The following IL21R variants were observed in gnomAD, a reference collection of about 807,000 sequenced individuals.
IL21R encodes interleukin 21 receptor, also known as interleukin-21 receptor.
Under a neutral mutation model 41.3 loss-of-function variants are expected in IL21R, and 14 were observed. The ratio of observed to expected loss-of-function variants is 0.34; its 90% CI spans 0.22 to 0.53. The LOEUF (loss-of-function observed/expected upper bound fraction) is 0.53, where lower values mean the gene tolerates loss of function less well. Ranked by LOEUF, IL21R falls within the 20% of genes least tolerant of loss-of-function variation. The pLI, the probability that IL21R is intolerant of heterozygous loss-of-function variation, is 0.94. For missense variants in IL21R, 588 were observed against 681.6 expected, an observed-to-expected ratio of 0.86 and a Z score of 1.53; for synonymous variants, 286 against 287.6, an observed-to-expected ratio of 0.99 and a Z score of 0.05.
At chr16:27,445,092 C>T in intron 6 of IL21R, 85 bp from the exon 7 acceptor site, 1 of 926,770 alleles carries the variant, frequency 1.1e-6, no homozygotes. Flanking sequence ...TCCACTCTAC[C>T]CCAGACCCAT....
At chr16:27,427,977 A>G (rs2087106159) in intron 1 of IL21R, among the ~76,000 whole-genome samples, 1 of 152,236 alleles carries the variant, frequency 6.6e-6, no homozygotes, top group Non-Finnish European at 1.5e-5. Context: ...TCTATAGAAA[A>G]TATATTAAAA....
In IL21R at chr16:27,424,151, T is replaced by A. The variant is rs189903060; in HGVS notation, c.-16-5905T>A. ...GTGCAGTGGTGCAATCTCGGCTCAC[T>A]GCAACCTCCACCTCCCGGGTTCAAG... On this transcript the variant is annotated intron_variant, in intron 1 of 8. Transcript: ENST00000337929. 4.0e-3 allele frequency among the ~76,000 whole-genome samples: 605 copies of A among 152,280 alleles called. 1 individual carries two copies. The highest frequency in any genetic ancestry group is 6.5e-3 in the Non-Finnish European group (445 of 68,018).
At chr16:27,405,277 C>T (rs151300374) in intron 1 of IL21R, among the ~76,000 whole-genome samples, 9 of 152,152 alleles carry the variant, frequency 5.9e-5, no homozygotes, top group Non-Finnish European at 1.5e-5. Context: ...AAGTGATCTG[C>T]CTGTCTCAGT....
intron 1 of IL21R, chr16:27,403,184 G>T (rs750160521): frequency 7.5e-7 from 1 of 1,338,872 alleles, no homozygotes; most frequent in Non-Finnish European, 9.8e-7. Context: ...AGCTGTCGCT[G>T]CATCTTTCTC....
Position 27,448,669 on chromosome 16 carries a change from C to T in IL21R, c.1003C>T (p.Gln335Ter). The change falls in exon 9 of 9, where the codon CAA (glutamine) becomes TAA (stop). Residue 335 changes from glutamine (Q) to a stop codon, truncating the protein, a stop_gained. Coordinates refer to ENST00000337929, the MANE Select transcript of IL21R (RefSeq NM_181078.3). LOFTEE classifies it low-confidence loss of function (END_TRUNC). Reference sequence around the variant, plus strand: ...CAAGAGGCTGCAGCTCACGGAGCTACAAGAACCAGCAGAGCTGGTGGAGTC... The same window carrying T: ...CAAGAGGCTGCAGCTCACGGAGCTATAAGAACCAGCAGAGCTGGTGGAGTC... ...PAKRLQLTEL[Q>*]EPAELVESDG... The T allele has an allele frequency of 1.9e-6, 3 of 1,613,138 alleles. No homozygotes were observed. Among genetic ancestry groups the T allele is most frequent in the Non-Finnish European group, 2.5e-6 (3 of 1,180,006 alleles).
intron 1 of IL21R, among the ~76,000 whole-genome samples, chr16:27,408,561 A>G (rs1262617481): frequency 6.6e-6 from 1 of 152,226 alleles, no homozygotes; most frequent in Non-Finnish European, 1.5e-5. Flanking sequence ...GAGGAGGACC[A>G]GCAGGAGAGC....
At chr16:27,423,573 A>C (rs2087030358) in intron 1 of IL21R, among the ~76,000 whole-genome samples, 1 of 152,140 alleles carries the variant, frequency 6.6e-6, no homozygotes, top group Admixed American at 6.5e-5. Flanking sequence ...AACAATATAT[A>C]GGATGATTTT....
chr16:27,439,491 T>C (rs780131547), intron 4 of IL21R, among the ~76,000 whole-genome samples: 6 of 144,230 alleles, frequency 4.2e-5, no homozygotes, highest in Non-Finnish European at 6.1e-5. Context: ...GACTCACACA[T>C]GCACACACAT....
intron 4 of IL21R, among the ~76,000 whole-genome samples, chr16:27,439,368 A>T (rs2087335085): frequency 6.7e-6 from 1 of 150,274 alleles, no homozygotes; most frequent in Non-Finnish European, 1.5e-5. Flanking sequence ...ACATACACAC[A>T]CACACACACA....
At chr16:27,408,199 C>T (rs2086776838) in intron 1 of IL21R, among the ~76,000 whole-genome samples, 1 of 152,178 alleles carries the variant, frequency 6.6e-6, no homozygotes, top group Non-Finnish European at 1.5e-5. Flanking sequence ...GTGACTCATG[C>T]TCTTTGGAGA....
chr16:27,418,011 ATTTATTTTAT>A (rs1171442663), intron 1 of IL21R, among the ~76,000 whole-genome samples: 4,219 of 97,890 alleles, frequency 0.043, 127 homozygotes, highest in African/African-American at 0.094. Flanking sequence ...TTCCTATTTT[ATTTATTTTAT>A]TTTATTTTAT....
intron 1 of IL21R, among the ~76,000 whole-genome samples, chr16:27,423,927 A>C (rs1027943356): frequency 7.2e-5 from 11 of 152,210 alleles, no homozygotes; most frequent in African/African-American, 2.7e-4. Context: ...GACCAGTTGT[A>C]ATAATTTACA....
At chr16:27,422,461 T>A (rs2087013442) in intron 1 of IL21R, among the ~76,000 whole-genome samples, 1 of 152,164 alleles carries the variant, frequency 6.6e-6, no homozygotes, top group Non-Finnish European at 1.5e-5. Context: ...TGCTCTTTTC[T>A]GTATTTTTGA....
At chr16:27,430,239 G>A in intron 2 of IL21R, 119 bp downstream of exon 2, 1 of 809,736 alleles carries the variant, frequency 1.2e-6, no homozygotes, top group South Asian at 1.6e-5. Context: ...CAGAAAAGAT[G>A]ACATCCATGC....
chr16:27,427,855 G>T (rs918808997), intron 1 of IL21R, among the ~76,000 whole-genome samples: 3 of 152,118 alleles, frequency 2.0e-5, no homozygotes, highest in Non-Finnish European at 4.4e-5. Flanking sequence ...AATCACACAG[G>T]ATTCATATTC....
At chr16:27,405,208 T>G (rs971837610) in intron 1 of IL21R, among the ~76,000 whole-genome samples, 4 of 151,930 alleles carry the variant, frequency 2.6e-5, no homozygotes, top group African/African-American at 9.7e-5. Context: ...AATTTTTGTA[T>G]TTTTAGTGGA....
In IL21R at chr16:27,448,715, G is replaced by A. The variant is rs752397166; in HGVS notation, c.1049G>A (p.Ser350Asn). The part of the protein sequence containing the change: ...LVESDGVPKP[S>N]FWPTAQNSGG... Reference sequence around the variant, plus strand: ...GAGTCTGACGGTGTGCCCAAGCCCAGCTTCTGGCCGACAGCCCAGAACTCG... The same window carrying A: ...GAGTCTGACGGTGTGCCCAAGCCCAACTTCTGGCCGACAGCCCAGAACTCG... The change falls in exon 9 of 9, where the codon AGC becomes AAC. Residue 350 changes from serine to asparagine, a missense_variant. Physicochemically the swap from Ser to Asn is conservative, Grantham distance 46 (BLOSUM62 1). Transcript: ENST00000337929. 3 of 1,613,348 alleles carry A rather than the reference G, an allele frequency of 1.9e-6. No individual in the cohort carries two copies. The highest frequency in any genetic ancestry group is 2.5e-6 in the Non-Finnish European group (3 of 1,180,012).
intron 3 of IL21R, among the ~76,000 whole-genome samples, 199 bp from the exon 4 acceptor site, chr16:27,437,289 A>G (rs2087287405): frequency 6.6e-6 from 1 of 152,138 alleles, no homozygotes; most frequent in South Asian, 2.1e-4. Context: ...CCCGGACACA[A>G]TTCATTGAGG....
At chr16:27,421,134 T>C (rs966702117) in intron 1 of IL21R, among the ~76,000 whole-genome samples, 1 of 152,150 alleles carries the variant, frequency 6.6e-6, no homozygotes, top group African/African-American at 2.4e-5. Flanking sequence ...TATGCACTTC[T>C]TTCTGAACTC....
Sources: allele counts gnomAD v4.1 joint callset (sites outside exome capture counted in the v4.1 genomes callset), GRCh38; gene constraint gnomAD v4.1.1; transcripts MANE v1.5; gene names NCBI Gene and HGNC (gene_info 2026-07-23, HGNC 2026-07-21).